ELP4: variants seen among roughly 807,000 people sequenced by gnomAD.
The protein encoded by ELP4 is elongator complex protein 4.
A neutral mutation model predicts 48.9 loss-of-function variants in ELP4; 51 were observed. The ratio of observed to expected loss-of-function variants is 1.04; its 90% CI spans 0.83 to 1.32. The LOEUF (loss-of-function observed/expected upper bound fraction) is 1.32. ELP4 is among the 40% of genes most tolerant of loss of function. The pLI, the probability that ELP4 is intolerant of heterozygous loss-of-function variation, is 0.00. For missense variants in ELP4, 519 were observed against 514.6 expected (o/e 1.01, Z -0.08); for synonymous variants, 210 against 189.2 (o/e 1.11, Z -0.90).
At chr11:31,749,335 A>G (rs73477608) in intron 9 of ELP4, among the ~76,000 whole-genome samples, 5,776 of 152,330 alleles carry the variant, frequency 0.038, 306 homozygotes, top group Admixed American at 0.1. Context: ...AGAGACACGT[A>G]AAAGTCCCTT....
chr11:31,773,490 G>A (rs1397090849), intron 9 of ELP4, among the ~76,000 whole-genome samples: 1 of 152,154 alleles, frequency 6.6e-6, no homozygotes, highest in East Asian at 1.9e-4. Context: ...GTATGGGGCT[G>A]CACTCTTGGG....
intron 3 of ELP4, among the ~76,000 whole-genome samples, chr11:31,545,974 G>A (rs561574857): frequency 2.0e-5 from 3 of 152,034 alleles, no homozygotes; most frequent in South Asian, 2.1e-4. Context: ...TAAAAGAGCT[G>A]CTGAAGGAAG....
At chr11:31,766,999 G>C (rs1046677116) in intron 9 of ELP4, among the ~76,000 whole-genome samples, 3 of 151,936 alleles carry the variant, frequency 2.0e-5, no homozygotes, top group African/African-American at 7.3e-5. Flanking sequence ...GAAATCATTT[G>C]ATGAAAAAAA....
At chr11:31,596,816 AAG>A (rs1380391487) in intron 4 of ELP4, among the ~76,000 whole-genome samples, 1 of 152,200 alleles carries the variant, frequency 6.6e-6, no homozygotes, top group African/African-American at 2.4e-5. Context: ...TAAAATGAAA[AAG>A]GAAAATTCTA....
intron 9 of ELP4, chr11:31,651,842 G>T (rs1945325815): frequency 6.6e-6 from 1 of 151,682 alleles, no homozygotes; most frequent in Non-Finnish European, 1.5e-5. Context: ...AGAGAAGAAA[G>T]TAGTACAGTA....
intron 8 of ELP4, chr11:31,649,390 C>A (rs1439654492): frequency 1.3e-5 from 2 of 151,486 alleles, no homozygotes; most frequent in African/African-American, 4.8e-5. Flanking sequence ...GGGAAATGAC[C>A]CCTAGTTTAG....
At chr11:31,530,369 A>G (rs1956373712) in intron 2 of ELP4, among the ~76,000 whole-genome samples, 1 of 152,196 alleles carries the variant, frequency 6.6e-6, no homozygotes, top group South Asian at 2.1e-4. Context: ...TGAGAGCTCT[A>G]TATAAACTGT....
intron 9 of ELP4, among the ~76,000 whole-genome samples, chr11:31,714,339 A>G (rs1312354807): frequency 6.6e-6 from 1 of 152,238 alleles, no homozygotes; most frequent in Non-Finnish European, 1.5e-5. Context: ...TAAAATATAA[A>G]TTGTAAAGAA....
chr11:31,708,045 C>G (rs907274995), intron 9 of ELP4, among the ~76,000 whole-genome samples: 3 of 152,146 alleles, frequency 2.0e-5, no homozygotes, highest in Non-Finnish European at 4.4e-5. Context: ...ATTATTACAG[C>G]CTACCACTCA....
intron 3 of ELP4, among the ~76,000 whole-genome samples, chr11:31,547,612 G>C (rs1361397850): frequency 1.3e-5 from 2 of 152,126 alleles, no homozygotes; most frequent in Non-Finnish European, 2.9e-5. Context: ...TAGAAAAAGA[G>C]GGAATGTTCC....
chr11:31,790,315 C>A lies in ELP4; in HGVS notation c.*6791C>A. 1.5e-6 allele frequency: 1 copy of A among 646,762 alleles called. No homozygotes were observed. The highest frequency in any genetic ancestry group is 2.3e-6 in the Non-Finnish European group (1 of 441,050). 40.1% of individuals were successfully genotyped at this position (646,762 alleles called of 1,614,324 possible). A position where few individuals can be genotyped will look rare whatever the true frequency, so the allele number is the denominator to read the frequency against. On this transcript the variant is annotated 3_prime_UTR_variant, in exon 10 of 10. Coordinates refer to ENST00000640961, the MANE Select transcript of ELP4 (RefSeq NM_019040.5). ...TTTGGAACTTTTACAATAAAGCTGT[C>A]TCTGGAAAACCAATGTGTCACTTTT...
At chr11:31,519,990 T>C in intron 1 of ELP4, 66 bp from the exon 2 acceptor site, 2 of 1,531,022 alleles carry the variant, frequency 1.3e-6, no homozygotes, top group Non-Finnish European at 1.8e-6. Flanking sequence ...TCATAAAGCC[T>C]AACTTTTATG....
chr11:31,608,636 A>G (rs1957922167), intron 5 of ELP4, among the ~76,000 whole-genome samples: 1 of 150,990 alleles, frequency 6.6e-6, no homozygotes, highest in Non-Finnish European at 1.5e-5. Flanking sequence ...AGCAGGAGGG[A>G]CTCTGGTTGC....
At chr11:31,621,464 T>A (rs1303261807) in intron 5 of ELP4, among the ~76,000 whole-genome samples, 1 of 151,870 alleles carries the variant, frequency 6.6e-6, no homozygotes, top group Non-Finnish European at 1.5e-5. Flanking sequence ...ACATAGATTA[T>A]CTAATGCAAT....
chr11:31,693,473 T>C (rs1033005519), intron 9 of ELP4, among the ~76,000 whole-genome samples: 3 of 152,178 alleles, frequency 2.0e-5, no homozygotes, highest in African/African-American at 7.2e-5. Flanking sequence ...TCCATGTCCC[T>C]ACAAAGGACA....
rs1948841263 is a variant in ELP4 at position 31,788,476 on chromosome 11, G to A, written c.*4952G>A. 4.5e-6 allele frequency: 1 copy of A among 223,512 alleles called. No individual in the cohort carries two copies. The allele number at this position is 223,512 out of a possible 1,614,324, so 13.8% of individuals were successfully genotyped here. On this transcript the variant is annotated 3_prime_UTR_variant, in exon 10 of 10. Transcript: ENST00000640961. ...GGGAGGGAGACAGAAAAGGGAGAGGGCCTATTTGAAAAAGGCAACAGCTTT... is the reference window on the plus strand; with the variant it reads ...GGGAGGGAGACAGAAAAGGGAGAGGACCTATTTGAAAAAGGCAACAGCTTT...
chr11:31,769,761 CTAGAG>C (rs1004579323), intron 9 of ELP4, among the ~76,000 whole-genome samples: 1 of 152,018 alleles, frequency 6.6e-6, no homozygotes, highest in African/African-American at 2.4e-5. Context: ...TTTACCACTT[CTAGAG>C]TAGTTTCCAT....
intron 4 of ELP4, among the ~76,000 whole-genome samples, chr11:31,598,189 C>T (rs940380650): frequency 2.0e-5 from 3 of 151,482 alleles, no homozygotes; most frequent in Non-Finnish European, 4.4e-5. Context: ...CTCCTGACCT[C>T]GTGATCCGCC....
chr11:31,616,576 G>A (rs1459796773), intron 5 of ELP4, among the ~76,000 whole-genome samples: 2 of 152,104 alleles, frequency 1.3e-5, no homozygotes. Flanking sequence ...TAGACAAATA[G>A]GATGACATCA....
Sources: allele counts gnomAD v4.1 joint callset (sites outside exome capture counted in the v4.1 genomes callset), GRCh38; gene constraint gnomAD v4.1.1; transcripts MANE v1.5; gene names NCBI Gene and HGNC (gene_info 2026-07-23, HGNC 2026-07-21).